The following USP32 variants were observed in gnomAD, a reference collection of about 807,000 sequenced individuals.
The protein encoded by USP32 is ubiquitin specific peptidase 32.
USP32 carries 59 observed loss-of-function variants against 204.8 expected under a neutral mutation model. The ratio of observed to expected loss-of-function variants is 0.29; its 90% CI spans 0.23 to 0.36. The LOEUF (loss-of-function observed/expected upper bound fraction) is 0.36. Among genes scored for constraint, USP32 ranks in the 10% least tolerant of loss-of-function variants. The pLI, the probability that USP32 is intolerant of heterozygous loss-of-function variation, is 1.00. For missense variants in USP32, 1,160 were observed against 1,946.4 expected, an observed-to-expected ratio of 0.60 and a Z score of 7.60; for synonymous variants, 517 against 678.4, an observed-to-expected ratio of 0.76 and a Z score of 3.70.
At chr17:60,184,124 A>AAAATAAAT (rs1050036078) in intron 30 of USP32, among the ~76,000 whole-genome samples, 2 of 151,510 alleles carry the variant, frequency 1.3e-5, no homozygotes, top group African/African-American at 4.8e-5. Context: ...ATCTCTACTA[A>AAAATAAAT]AAATAAATAA....
intron 1 of USP32, among the ~76,000 whole-genome samples, chr17:60,379,789 A>C (rs1023931432): frequency 3.3e-5 from 5 of 152,234 alleles, no homozygotes; most frequent in African/African-American, 1.2e-4. Context: ...CAGAAAACTA[A>C]ATAAGAAATA....
At position 60,198,271 on chromosome 17, in the gene USP32, A is replaced by G. The variant is rs766311900; in HGVS notation, c.3423T>C (p.His1141=). 1 of 1,614,128 alleles carries G rather than the reference A, an allele frequency of 6.2e-7. No homozygotes were observed. Among genetic ancestry groups the G allele is most frequent in the South Asian group, 1.1e-5 (1 of 91,076 alleles). The change falls in exon 27 of 34, where the codon CAT becomes CAC. Residue 1141 remains histidine, a synonymous_variant. Transcript: ENST00000300896. The part of the protein sequence containing the change: ...SPLPPQEASN[H]AQDCDDSMGY... ...TCCCCTGAACTCACCAATCCTGGGC[A>G]TGATTACTAGCTTCCTGAGGTGGGA...
intron 12 of USP32, among the ~76,000 whole-genome samples, chr17:60,230,651 T>G (rs2085522833): frequency 6.6e-6 from 1 of 152,226 alleles, no homozygotes; most frequent in Non-Finnish European, 1.5e-5. Context: ...GGCTTTCTTT[T>G]CTATTACAGG....
chr17:60,377,882 G>A (rs2089577779), intron 1 of USP32, among the ~76,000 whole-genome samples: 1 of 152,072 alleles, frequency 6.6e-6, no homozygotes, highest in Non-Finnish European at 1.5e-5. Context: ...TGCACAATCT[G>A]TAACATTGTT....
chr17:60,226,412 T>C (rs8065882), intron 12 of USP32, among the ~76,000 whole-genome samples, 181 bp from the exon 13 acceptor site: 6,752 of 152,292 alleles, frequency 0.044, 537 homozygotes, highest in African/African-American at 0.15. Flanking sequence ...AGTATGTATA[T>C]AGATAAAATT....
chr17:60,257,824 T>C (rs1423131372), intron 9 of USP32, among the ~76,000 whole-genome samples: 1 of 152,072 alleles, frequency 6.6e-6, no homozygotes, highest in Non-Finnish European at 1.5e-5. Flanking sequence ...TCTGCTATTC[T>C]GCAAACTCAA....
Position 60,380,631 on chromosome 17 carries a change from T to C in USP32, c.58+11251A>G, listed in dbSNP as rs536230058. 1.7e-4 allele frequency among the ~76,000 whole-genome samples: 26 copies of C among 152,322 alleles called. No homozygotes were observed. The East Asian group carries it at 4.8e-3, about 28-fold the overall frequency. On this transcript the variant is annotated intron_variant, in intron 1 of 33. Transcript: ENST00000300896. ...AATAATTAGCCCACTTAATGCTTAT[T>C]GTAGAGAAGTGGTTAAATATTTTAC...
chr17:60,240,385 T>C (rs1040562571), intron 11 of USP32, among the ~76,000 whole-genome samples: 4 of 152,132 alleles, frequency 2.6e-5, no homozygotes, highest in African/African-American at 7.2e-5. Flanking sequence ...TTCACTTGTG[T>C]TCGAAGAGCT....
intron 1 of USP32, among the ~76,000 whole-genome samples, chr17:60,389,512 C>T (rs2089791986): frequency 6.6e-6 from 1 of 151,226 alleles, no homozygotes. Flanking sequence ...CACTGCACTC[C>T]AGCCTGGGCG....
chr17:60,393,350 G>A (rs76511193), upstream of USP32, among the ~76,000 whole-genome samples: 1,366 of 152,272 alleles, frequency 9.0e-3, 4 homozygotes, highest in Non-Finnish European at 0.016. Context: ...AGGTATTTGT[G>A]CCCCCGTGTT....
intron 1 of USP32, among the ~76,000 whole-genome samples, chr17:60,361,292 T>C (rs897202084): frequency 3.3e-5 from 5 of 152,170 alleles, no homozygotes; most frequent in Non-Finnish European, 5.9e-5. Context: ...CAGATCTTTT[T>C]CCATGCTTTT....
intron 6 of USP32, among the ~76,000 whole-genome samples, chr17:60,271,141 G>C (rs2086715400): frequency 6.6e-6 from 1 of 152,166 alleles, no homozygotes; most frequent in South Asian, 2.1e-4. Context: ...CGGGTGCAGA[G>C]AGCTAAACTG....
chr17:60,255,114 GA>G, intron 10 of USP32, 60 bp downstream of exon 10: 2 of 1,242,944 alleles, frequency 1.6e-6, no homozygotes, highest in South Asian at 1.3e-5. Flanking sequence ...CTATATGATG[GA>G]AAAGATGTAG....
chr17:60,402,681 T>C (rs1189223462), intron 1 of USP32, among the ~76,000 whole-genome samples: 1 of 152,232 alleles, frequency 6.6e-6, no homozygotes, highest in African/African-American at 2.4e-5. Flanking sequence ...TCATAAGAAA[T>C]TATTCCAAAC....
At chr17:60,181,237 C>T in intron 32 of USP32, 87 bp downstream of exon 32, 1 of 1,493,656 alleles carries the variant, frequency 6.7e-7, no homozygotes, top group Non-Finnish European at 9.0e-7. Context: ...TAAGCAGGAC[C>T]TGAAAAAAAT....
chr17:60,180,471 T>A, intron 33 of USP32, 74 bp downstream of exon 33: 1 of 1,478,978 alleles, frequency 6.8e-7, no homozygotes, highest in Non-Finnish European at 9.4e-7. Flanking sequence ...AGATAGTCCA[T>A]TATTTCAACA....
At chr17:60,241,219 G>A (rs1209484469) in intron 11 of USP32, among the ~76,000 whole-genome samples, 2 of 151,940 alleles carry the variant, frequency 1.3e-5, no homozygotes, top group Non-Finnish European at 2.9e-5. Context: ...GGCTGGTCTC[G>A]AACTCCTAAC....
At chr17:60,265,718 T>C (rs532506530) in intron 8 of USP32, among the ~76,000 whole-genome samples, 19 of 152,302 alleles carry the variant, frequency 1.2e-4, no homozygotes, top group Middle Eastern at 3.4e-3. Context: ...ATTTTTATAA[T>C]TACCATAGAT....
intron 1 of USP32, among the ~76,000 whole-genome samples, chr17:60,380,152 T>C (rs1182949167): frequency 6.6e-6 from 1 of 152,208 alleles, no homozygotes; most frequent in South Asian, 2.1e-4. Context: ...CCCTTCATAA[T>C]CTAACTTCAT....
Sources: gnomAD v4.1 joint callset for allele counts (sites outside exome capture counted in the v4.1 genomes callset) on GRCh38, gnomAD v4.1.1 for gene constraint, MANE v1.5 for transcripts, NCBI Gene and HGNC (gene_info 2026-07-23, HGNC 2026-07-21) for gene names.